The following STARD13 variants were observed in gnomAD, a reference collection of about 807,000 sequenced individuals.
STARD13 encodes the protein stAR-related lipid transfer protein 13.
Under a neutral mutation model 106.4 loss-of-function variants are expected in STARD13, and 62 were observed. That is an observed-to-expected ratio of 0.58 (90% CI 0.48 to 0.72). The LOEUF is 0.72. Among genes scored for constraint, STARD13 ranks in the 30% least tolerant of loss-of-function variants. The probability of loss-of-function intolerance (pLI) is 0.00; values close to 1 mark genes in which losing one functional copy is unlikely to be tolerated. For missense variants in STARD13, 1,387 were observed against 1,424.0 expected (o/e 0.97, Z 0.42); for synonymous variants, 565 against 553.0 (o/e 1.02, Z -0.31).
chr13:33,339,230 G>T (rs1054391749), intron 1 of STARD13, among the ~76,000 whole-genome samples: 2 of 152,172 alleles, frequency 1.3e-5, no homozygotes, highest in Non-Finnish European at 2.9e-5. Context: ...TGGTTTAACT[G>T]GTGGAGGCAG....
At chr13:33,575,823 A>G in the STARD13 span, among the ~76,000 whole-genome samples, 2 of 152,190 alleles carry the variant, frequency 1.3e-5, no homozygotes, top group African/African-American at 2.4e-5. Context: ...CTTTTTATTT[A>G]TAAATTACCC....
At chr13:33,146,963 T>G (rs1880628609) in intron 3 of STARD13, among the ~76,000 whole-genome samples, 1 of 152,204 alleles carries the variant, frequency 6.6e-6, no homozygotes, top group Non-Finnish European at 1.5e-5. Context: ...ATGTTTGAGC[T>G]TCCCCAAAAC....
the STARD13 span, among the ~76,000 whole-genome samples, chr13:33,380,562 C>T: frequency 0.012 from 1,679 of 143,912 alleles, 41 homozygotes; most frequent in African/African-American, 0.038. Flanking sequence ...TGCATGCAAA[C>T]GAGGGAACTG....
the STARD13 span, among the ~76,000 whole-genome samples, chr13:33,461,625 A>G: frequency 6.6e-6 from 1 of 152,296 alleles, no homozygotes; most frequent in Non-Finnish European, 1.5e-5. Context: ...GTTTGTGACA[A>G]TATTCTTGCT....
the STARD13 span, among the ~76,000 whole-genome samples, chr13:33,618,787 G>C: frequency 6.6e-6 from 1 of 151,946 alleles, no homozygotes; most frequent in South Asian, 2.1e-4. Flanking sequence ...GCAGTGCAGG[G>C]AGATAGAGCC....
the STARD13 span, among the ~76,000 whole-genome samples, chr13:33,601,977 A>G: frequency 2.0e-5 from 3 of 152,140 alleles, no homozygotes; most frequent in Non-Finnish European, 2.9e-5. Flanking sequence ...ATTTTTTTCT[A>G]CTGTGGCTGT....
At chr13:33,196,681 G>T (rs977318810) in intron 1 of STARD13, among the ~76,000 whole-genome samples, 1 of 152,298 alleles carries the variant, frequency 6.6e-6, no homozygotes, top group Admixed American at 6.5e-5. Context: ...TAACAGAATG[G>T]AGAGGCAACT....
chr13:33,408,663 GCT>G, the STARD13 span, among the ~76,000 whole-genome samples: 1 of 152,072 alleles, frequency 6.6e-6, no homozygotes, highest in African/African-American at 2.4e-5. Flanking sequence ...TGATTATTAT[GCT>G]CTCTTTAAAC....
the STARD13 span, among the ~76,000 whole-genome samples, chr13:33,658,747 A>C: frequency 6.6e-6 from 1 of 152,176 alleles, no homozygotes; most frequent in Non-Finnish European, 1.5e-5. Context: ...CGTGGCTAGC[A>C]GCTCCCAGGT....
At chr13:33,185,929 C>G in intron 1 of STARD13, 2 of 1,614,256 alleles carry the variant, frequency 1.2e-6, no homozygotes, top group East Asian at 2.2e-5. Flanking sequence ...CCACCACAGA[C>G]AGTGTCTTTG....
chr13:33,214,697 CAT>C (rs1201939170), intron 1 of STARD13, among the ~76,000 whole-genome samples: 69 of 78,082 alleles, frequency 8.8e-4, no homozygotes, highest in South Asian at 2.5e-3. Context: ...CACATGCACA[CAT>C]ACACACACAC....
At chr13:33,347,543 G>A (rs1429485862), downstream of STARD13, among the ~76,000 whole-genome samples, 1 of 152,170 alleles carries the variant, frequency 6.6e-6, no homozygotes, top group African/African-American at 2.4e-5. Flanking sequence ...CACCACGCCT[G>A]ACTGCTGTAC....
intron 1 of STARD13, among the ~76,000 whole-genome samples, chr13:33,341,591 C>CAAAA (rs543220774): frequency 1.3e-5 from 1 of 76,934 alleles, no homozygotes; most frequent in African/African-American, 4.8e-5. Context: ...ACTCCGTCTC[C>CAAAA]AAAAAAAAAA....
the STARD13 span, among the ~76,000 whole-genome samples, chr13:33,473,933 A>G: frequency 1.4e-4 from 22 of 152,208 alleles, no homozygotes; most frequent in Non-Finnish European, 4.4e-5. Context: ...CAACTGAGAG[A>G]GGAAAGCACC....
the STARD13 span, among the ~76,000 whole-genome samples, chr13:33,662,611 C>A: frequency 6.6e-6 from 1 of 152,174 alleles, no homozygotes; most frequent in Non-Finnish European, 1.5e-5. Flanking sequence ...GGTCACAAGC[C>A]AATCCAGTTC....
intron 1 of STARD13, among the ~76,000 whole-genome samples, chr13:33,302,963 T>C (rs1254601521): frequency 1.3e-5 from 2 of 152,208 alleles, no homozygotes; most frequent in African/African-American, 2.4e-5. Flanking sequence ...TAAAGGCCCA[T>C]CATGGTAGCC....
chr13:33,325,768 A>G (rs1434133247), intron 1 of STARD13, among the ~76,000 whole-genome samples: 1 of 151,934 alleles, frequency 6.6e-6, no homozygotes, highest in Non-Finnish European at 1.5e-5. Flanking sequence ...GCCGAGGCGG[A>G]CGGATCACGA....
rs1883194390 is a variant in STARD13, at chr13:33,165,348, T to A, written c.312A>T (p.Glu104Asp). 1.3e-5 allele frequency: 21 copies of A among 1,612,554 alleles called. No homozygotes were observed. The highest frequency in any genetic ancestry group is 1.4e-5 in the Non-Finnish European group (17 of 1,178,772). Residue 104 changes from glutamate to aspartate, a missense_variant, in exon 3 of 14, where the codon GAA (glutamate) becomes GAT (aspartate). Glu to Asp is a conservative substitution (Grantham distance 45, BLOSUM62 2). Transcript: ENST00000336934. ...DHDFLEKDLV[E>D]PLCRRLNTLN... ...TTCACATGGTTTACCTGCAAAGAGG[T>A]TCTACAAGGTCCTTTTCAAGAAAAT... is the stretch of plus-strand genomic sequence containing the variant.
At chr13:33,529,929 T>G in the STARD13 span, among the ~76,000 whole-genome samples, 1 of 152,126 alleles carries the variant, frequency 6.6e-6, no homozygotes, top group African/African-American at 2.4e-5. Context: ...AACCACATAT[T>G]AAGGAGTTTG....
Sources: gnomAD v4.1 joint callset for allele counts (sites outside exome capture counted in the v4.1 genomes callset) on GRCh38, gnomAD v4.1.1 for gene constraint, MANE v1.5 for transcripts, NCBI Gene and HGNC (gene_info 2026-07-23, HGNC 2026-07-21) for gene names.